The following CABLES2 variants were observed in gnomAD, a reference collection of about 807,000 sequenced individuals.
CABLES2 encodes the protein Cdk5 and Abl enzyme substrate 2.
In CABLES2, 35 loss-of-function variants were observed where a neutral mutation model predicts 44.8. That is an observed-to-expected ratio of 0.78 (90% CI 0.60 to 1.04). The LOEUF is 1.04. Ranked by LOEUF, CABLES2 falls within the 50% of genes least tolerant of loss-of-function variation. CABLES2 has a pLI of 0.00. For synonymous variants in CABLES2, 282 were observed against 281.1 expected (o/e 1.00, Z -0.03); for missense variants, 566 against 615.7 (o/e 0.92, Z 0.85).
intron 5 of CABLES2, 48 bp downstream of exon 5, chr20:62,394,109 T>TG (rs746429250): frequency 6.7e-7 from 1 of 1,491,912 alleles, no homozygotes; most frequent in South Asian, 1.1e-5. Context: ...CCCACCCGCC[T>TG]GCCTGGCCCT....
rs113961316 is a variant in CABLES2 at position 62,394,731 on chromosome 20, C to T, written c.605+206G>A. 2.9e-4 allele frequency among the ~76,000 whole-genome samples: 44 copies of T among 152,338 alleles called. 1 individual carries two copies. The highest frequency in any genetic ancestry group is 1.0e-3 in the African/African-American group (42 of 41,562). On this transcript the variant is annotated intron_variant, in intron 4 of 9. Transcript: ENST00000279101. ...GTACATCGACAGCGTGAACAGAAAC[C>T]GGCTCCTCTGGAGAGTGAGGACCCG...
chr20:62,395,033 A>G lies in CABLES2; in HGVS notation c.528-19T>C, dbSNP rs1987992384. 1 of 1,605,494 alleles carries G rather than the reference A, an allele frequency of 6.2e-7. No homozygotes were observed. The highest frequency in any genetic ancestry group is 2.2e-5 in the East Asian group (1 of 44,822). On this transcript the variant is annotated intron_variant, in intron 3 of 9. Transcript: ENST00000279101. ...CACGATCCTGCAGGGGGACGGAGTC[A>G]GGGGAGACGGGGCCGGGGAGCGGGG...
At chr20:62,399,466 C>G (rs1487710076) in intron 1 of CABLES2, among the ~76,000 whole-genome samples, 1 of 151,358 alleles carries the variant, frequency 6.6e-6, no homozygotes, top group African/African-American at 2.4e-5. Flanking sequence ...CCAGGATGGT[C>G]TTGATCTCCT....
intron 1 of CABLES2, among the ~76,000 whole-genome samples, chr20:62,397,973 A>G (rs6061234): frequency 0.71 from 72,967 of 102,844 alleles, 23,639 homozygotes; most frequent in African/African-American, 0.86. Flanking sequence ...TGGTGGTGAC[A>G]GTGGTGATGG....
chr20:62,398,175 G>GTGGTGA (rs1988103325), intron 1 of CABLES2, among the ~76,000 whole-genome samples: 1 of 55,586 alleles, frequency 1.8e-5, no homozygotes, highest in Admixed American at 1.7e-4. Context: ...GGTGGTAATG[G>GTGGTGA]TGGTGGTGGT....
At position 62,393,475 on chromosome 20, in the gene CABLES2, G is replaced by T. The variant is rs1396098139; in HGVS notation, c.845C>A (p.Ala282Asp). Residue 282 changes from alanine to aspartate, a missense_variant, in exon 6 of 10, where the codon GCC becomes GAC. Around this residue, in one of 2 missense-constraint regions of CABLES2, gnomAD observed 436 missense variants for 536.3 expected, o/e 0.81. Transcript: ENST00000279101. ...GCTGGCTGGTGCCGACTTGGTGGGG[G>T]CAGGTTTATGTCTTGACCCTGGCAG... ...RTLPGSRHKP[A>D]PTKSAPASTE... The T allele has an allele frequency of 6.2e-7, 1 of 1,612,172 alleles. No homozygotes were observed. Among genetic ancestry groups the T allele is most frequent in the Non-Finnish European group, 8.5e-7 (1 of 1,178,960 alleles).
intron 1 of CABLES2, 66 bp downstream of exon 1, chr20:62,406,849 G>T: frequency 1.1e-6 from 1 of 952,064 alleles, no homozygotes; most frequent in East Asian, 4.4e-5. Context: ...GTCCTGGGCT[G>T]ATCCGGCCCC....
Position 62,396,225 on chromosome 20 carries a change from T to C in CABLES2, c.527+90A>G, listed in dbSNP as rs1411989440. The C allele has an allele frequency of 2.8e-6, 3 of 1,089,634 alleles. No homozygotes were observed. Among genetic ancestry groups the C allele is most frequent in the Non-Finnish European group, 4.2e-6 (3 of 711,352 alleles). 67.5% of individuals were successfully genotyped at this position (1,089,634 alleles called of 1,614,324 possible). On this transcript the variant is annotated intron_variant, in intron 3 of 9. Coordinates refer to ENST00000279101, the MANE Select transcript of CABLES2 (RefSeq NM_031215.3). The surrounding 1 kb of genome is among the most constrained non-coding windows in gnomAD (Gnocchi z 5.7). ...GTGGGGTGGGCGGGAGCTTTGGGAG[T>C]GGAGGGAAGATTGCTTGGCTGACAG...
At chr20:62,402,233 G>A (rs1243091259) in intron 1 of CABLES2, 1 of 152,274 alleles carries the variant, frequency 6.6e-6, no homozygotes, top group Non-Finnish European at 1.5e-5. Context: ...TCACAGACAG[G>A]AAGAGAAATC....
chr20:62,392,696 G>C (rs941242606), intron 7 of CABLES2, among the ~76,000 whole-genome samples: 3 of 152,242 alleles, frequency 2.0e-5, no homozygotes, highest in African/African-American at 7.2e-5. Flanking sequence ...GGGAGAGCCA[G>C]GTTGCCAGGT....
chr20:62,392,259 GA>G (rs1987932699), intron 8 of CABLES2, 129 bp downstream of exon 8: 1 of 696,650 alleles, frequency 1.4e-6, no homozygotes, highest in Admixed American at 2.3e-5. Flanking sequence ...GGCCTGGTCG[GA>G]TGGCGAGAGG....
Position 62,395,608 on chromosome 20 carries a change from G to A in CABLES2, c.528-594C>T, listed in dbSNP as rs536431207. Among the ~76,000 whole-genome samples, 78 of 152,358 alleles carry A rather than the reference G, an allele frequency of 5.1e-4. No homozygotes were observed. The South Asian group carries it at 0.016, about 32-fold the overall frequency. ...GCTGGCTCTGCCCTGCCTGGGCCCA[G>A]GGTCTCACCAGGGGGACAACAGTGG... On this transcript the variant is annotated intron_variant, in intron 3 of 9. Transcript: ENST00000279101.
rs1026934022 is a variant in CABLES2 at position 62,396,659 on chromosome 20, C to T, written c.363-67G>A. On this transcript the variant is annotated intron_variant, in intron 1 of 9. Transcript: ENST00000279101. The surrounding 1 kb of genome is among the most constrained non-coding windows in gnomAD (Gnocchi z 5.7). ...GGGTGCCGCCTTTGTGGCCAGAAACCGAGTGCCGCCCGCTGTGCAGGGAAG... is the reference window on the plus strand; with the variant it reads ...GGGTGCCGCCTTTGTGGCCAGAAACTGAGTGCCGCCCGCTGTGCAGGGAAG... 6.0e-6 allele frequency: 9 copies of T among 1,496,616 alleles called. No individual in the cohort carries two copies. Among genetic ancestry groups the T allele is most frequent in the East Asian group, 2.4e-5 (1 of 41,526 alleles). 92.7% of individuals were successfully genotyped at this position (1,496,616 alleles called of 1,614,324 possible).
At chr20:62,393,393 C>A in intron 6 of CABLES2, 47 bp downstream of exon 6, 1 of 1,540,086 alleles carries the variant, frequency 6.5e-7, no homozygotes, top group Non-Finnish European at 8.8e-7. Context: ...GTGGTTAAGG[C>A]ACGCGGGTCA....
chr20:62,403,351 A>G (rs1988223929), intron 1 of CABLES2: 1 of 152,246 alleles, frequency 6.6e-6, no homozygotes, highest in Admixed American at 6.5e-5. Flanking sequence ...TTAAGATGTC[A>G]CAGGTTAAGT....
chr20:62,406,874 T>C, intron 1 of CABLES2, 41 bp downstream of exon 1: 1 of 1,095,528 alleles, frequency 9.1e-7, no homozygotes, highest in Non-Finnish European at 1.1e-6. Flanking sequence ...CCCGTCCCTG[T>C]ACCCCGCGTC....
chr20:62,393,046 C>T, intron 6 of CABLES2, 23 bp from the exon 7 acceptor site: 1 of 1,595,858 alleles, frequency 6.3e-7, no homozygotes, highest in Non-Finnish European at 8.6e-7. Flanking sequence ...CAACCCCTGA[C>T]CCACCAGGAG....
intron 3 of CABLES2, among the ~76,000 whole-genome samples, chr20:62,395,813 TCAGGACATG>T (rs1050951242): frequency 1.3e-5 from 2 of 152,158 alleles, no homozygotes; most frequent in Non-Finnish European, 1.5e-5. Context: ...TCAGGACACC[TCAGGACATG>T]CAGTGATGGG....
rs760009966 is a variant in CABLES2, at chr20:62,394,266, C to G, written c.606-1G>C. On this transcript the variant is annotated splice_acceptor_variant, in intron 4 of 9. Transcript: ENST00000279101. LOFTEE classifies it high-confidence loss of function. Reference sequence around the variant, plus strand: ...CTTCTGGCTGTCCACCCTCAGGTCACTGCAAACATGGGAGAGGCAAGGGGC... The same window carrying G: ...CTTCTGGCTGTCCACCCTCAGGTCAGTGCAAACATGGGAGAGGCAAGGGGC... 9.3e-6 allele frequency: 15 copies of G among 1,612,778 alleles called. No individual in the cohort carries two copies. The Middle Eastern group carries it at 1.3e-3, about 142-fold the overall frequency.
Sources: gnomAD v4.1 joint callset for allele counts (sites outside exome capture counted in the v4.1 genomes callset) on GRCh38, gnomAD v4.1.1 for gene constraint, gnomAD v4.1.1 regional missense constraint, Gnocchi (gnomAD v3.1) non-coding constraint, MANE v1.5 for transcripts, NCBI Gene and HGNC (gene_info 2026-07-23, HGNC 2026-07-21) for gene names.